The following TBCK variants were observed in gnomAD, a reference collection of about 807,000 sequenced individuals.
TBCK encodes the protein TBC domain-containing protein kinase-like protein.
Under a neutral mutation model 113.4 loss-of-function variants are expected in TBCK, and 99 were observed. The observed-to-expected ratio is 0.87, with a 90% confidence interval of 0.74 to 1.03. The LOEUF is 1.03. Among genes scored for constraint, TBCK ranks in the 50% least tolerant of loss-of-function variants. TBCK has a pLI of 0.00. For synonymous variants in TBCK, 369 were observed against 370.8 expected (o/e 1.00, Z 0.05); for missense variants, 1,045 against 1,061.3 (o/e 0.98, Z 0.21).
intron 2 of TBCK, among the ~76,000 whole-genome samples, chr4:106,308,550 G>A (rs1767791630): frequency 1.3e-5 from 2 of 152,166 alleles, no homozygotes; most frequent in Admixed American, 6.5e-5. Flanking sequence ...GATTTTGTAT[G>A]CAATAGCCTA....
chr4:106,238,533 C>T (rs1759726013), intron 12 of TBCK: 1 of 151,986 alleles, frequency 6.6e-6, no homozygotes, highest in Admixed American at 6.6e-5. Context: ...GAAGACCCTT[C>T]TAAAGCCACG....
At chr4:106,315,187 G>A (rs542602477) in intron 1 of TBCK, among the ~76,000 whole-genome samples, 2 of 152,268 alleles carry the variant, frequency 1.3e-5, no homozygotes, top group South Asian at 4.1e-4. Flanking sequence ...AGCAGTGCAA[G>A]CAGTTGGGCT....
At chr4:106,234,833 T>A (rs753128833) in intron 15 of TBCK, among the ~76,000 whole-genome samples, 20 of 152,122 alleles carry the variant, frequency 1.3e-4, no homozygotes, top group African/African-American at 4.8e-4. Context: ...ATAGTCCAGG[T>A]GGAATAGGTG....
chr4:106,172,380 C>A (rs546829257), intron 22 of TBCK, among the ~76,000 whole-genome samples: 5 of 152,134 alleles, frequency 3.3e-5, no homozygotes, highest in Admixed American at 1.3e-4. Context: ...GGCCAACAGT[C>A]CTGATGAGAA....
intron 23 of TBCK, among the ~76,000 whole-genome samples, chr4:106,151,817 T>C (rs1401824999): frequency 6.6e-6 from 1 of 152,024 alleles, no homozygotes. Flanking sequence ...CTTTGGTTAA[T>C]TCCTAAGTAT....
At chr4:106,310,383 A>T (rs1400870132) in intron 1 of TBCK, 2 of 152,238 alleles carry the variant, frequency 1.3e-5, no homozygotes, top group African/African-American at 4.8e-5. Context: ...GAGGCTTCAG[A>T]CTCAGAGAAG....
chr4:106,212,731 TA>T lies in TBCK; in HGVS notation c.1860+18del. On this transcript the variant is annotated intron_variant, in intron 20 of 25. Coordinates refer to ENST00000394708, the MANE Select transcript of TBCK (RefSeq NM_001163435.3). ...TTTTTTTTTTAACCACATGTTCTAT[TA>T]ATGCACCAAGTACTTACATCTGGAA... 1 of 1,541,084 alleles carries T rather than the reference TA, an allele frequency of 6.5e-7. No homozygotes were observed. The highest frequency in any genetic ancestry group is 8.9e-7 in the Non-Finnish European group (1 of 1,121,740).
In TBCK at chr4:106,102,074, C is replaced by CA. The variant is rs776620057; in HGVS notation, c.2412-6434dup. On this transcript the variant is annotated intron_variant, in intron 24 of 25. Transcript: ENST00000394708. ...CATGTTTCTATCTTCTAAAAGCAAACAAAAAAACGTGATTTCAACAAAAAC... is the reference window on the plus strand; with the variant it reads ...CATGTTTCTATCTTCTAAAAGCAAACAAAAAAAACGTGATTTCAACAAAAAC... Among the ~76,000 whole-genome samples, 14 of 152,102 alleles carry CA rather than the reference C, an allele frequency of 9.2e-5. No individual in the cohort carries two copies. The East Asian group carries it at 2.3e-3, about 25-fold the overall frequency.
In TBCK at chr4:106,247,209, G is replaced by A. The variant is rs1760918851; in HGVS notation, c.861C>T (p.Ala287=). The change falls in exon 10 of 26, where the codon GCC becomes GCT. Residue 287 remains alanine, a synonymous_variant. Coordinates refer to ENST00000394708, the MANE Select transcript of TBCK (RefSeq NM_001163435.3). ...ATCTCAGAGAAGATGAAAACAGACT[G>A]GCAGGTTTGGTAAAGGGGGTATATA... ...SPLYTPFTKP[A]SLFSSSLRCA... The A allele has an allele frequency of 1.2e-6, 2 of 1,613,332 alleles. No homozygotes were observed. The highest frequency in any genetic ancestry group is 1.7e-5 in the Admixed American group (1 of 59,894).
At chr4:106,222,120 C>T (rs1757765314) in intron 19 of TBCK, among the ~76,000 whole-genome samples, 4 of 151,906 alleles carry the variant, frequency 2.6e-5, no homozygotes, top group Admixed American at 2.6e-4. Flanking sequence ...TATTAAATTT[C>T]CCATTTAAGC....
intron 2 of TBCK, among the ~76,000 whole-genome samples, chr4:106,303,601 C>A (rs1289597617): frequency 1.3e-5 from 2 of 152,048 alleles, no homozygotes; most frequent in Non-Finnish European, 2.9e-5. Flanking sequence ...CAAGGGGACC[C>A]CAGAGTAACC....
intron 22 of TBCK, among the ~76,000 whole-genome samples, chr4:106,175,555 G>C (rs889537842): frequency 1.3e-5 from 2 of 151,888 alleles, no homozygotes; most frequent in Non-Finnish European, 2.9e-5. Context: ...GACCATAGGA[G>C]GGGCCTGTAT....
At position 106,233,669 on chromosome 4, in the gene TBCK, GAT is replaced by G; in HGVS notation, c.1450-21_1450-20del. 1 of 1,569,602 alleles carries G rather than the reference GAT, an allele frequency of 6.4e-7. No individual in the cohort carries two copies. The highest frequency in any genetic ancestry group is 8.7e-7 in the Non-Finnish European group (1 of 1,146,216). On this transcript the variant is annotated intron_variant, in intron 15 of 25. Transcript: ENST00000394708. ...TAGCTCCCTGCAAAAAATAAAAGAA[GAT>G]ATATTAATTTATCATATCCTTAATA... is the stretch of plus-strand genomic sequence containing the variant.
intron 6 of TBCK, 72 bp from the exon 7 acceptor site, chr4:106,250,550 T>TA: frequency 2.5e-6 from 2 of 798,528 alleles, no homozygotes; most frequent in Non-Finnish European, 4.0e-6. Context: ...TTTCTCCCCT[T>TA]ATAGCTGAAA....
At chr4:106,112,574 A>G (rs1423831419) in intron 24 of TBCK, among the ~76,000 whole-genome samples, 9 of 152,126 alleles carry the variant, frequency 5.9e-5, no homozygotes, top group African/African-American at 1.9e-4. Context: ...CAGCTCATCA[A>G]TATTGTTAGT....
intron 25 of TBCK, among the ~76,000 whole-genome samples, chr4:106,048,899 C>T (rs1237511012): frequency 4.6e-5 from 7 of 152,080 alleles, no homozygotes; most frequent in Non-Finnish European, 1.0e-4. Context: ...CACTTTGCAA[C>T]AATCAGGTTG....
At chr4:106,282,564 T>C (rs975616299) in intron 3 of TBCK, among the ~76,000 whole-genome samples, 2 of 152,154 alleles carry the variant, frequency 1.3e-5, no homozygotes, top group African/African-American at 4.8e-5. Flanking sequence ...TTAATACTGC[T>C]TTGGCTGTAT....
intron 20 of TBCK, among the ~76,000 whole-genome samples, chr4:106,198,471 A>G (rs1480834524): frequency 6.6e-6 from 1 of 152,062 alleles, no homozygotes; most frequent in African/African-American, 2.4e-5. Flanking sequence ...CTAACGATGC[A>G]CTTTGCATTT....
intron 18 of TBCK, among the ~76,000 whole-genome samples, chr4:106,231,281 A>C (rs1297911656): frequency 6.6e-6 from 1 of 151,796 alleles, no homozygotes; most frequent in African/African-American, 2.4e-5. Flanking sequence ...ATTAGTATAT[A>C]AGTATTAGAA....
Sources: gnomAD v4.1 joint callset for allele counts (sites outside exome capture counted in the v4.1 genomes callset) on GRCh38, gnomAD v4.1.1 for gene constraint, MANE v1.5 for transcripts, NCBI Gene and HGNC (gene_info 2026-07-23, HGNC 2026-07-21) for gene names.